Variants in ELFN2 observed in about 807,000 individuals in gnomAD.
ELFN2 encodes the protein extracellular leucine rich repeat and fibronectin type III domain containing 2, also known as protein phosphatase 1 regulatory subunit 29.
In ELFN2, 17 loss-of-function variants were observed where a neutral mutation model predicts 45.5. That is an observed-to-expected ratio of 0.37 (90% CI 0.26 to 0.56). ELFN2 has a LOEUF of 0.56. Among genes scored for constraint, ELFN2 ranks in the 20% least tolerant of loss-of-function variants. ELFN2 has a pLI of 0.77. For missense variants in ELFN2, 922 were observed against 1,183.2 expected, an observed-to-expected ratio of 0.78 and a Z score of 3.24; for synonymous variants, 550 against 551.5, an observed-to-expected ratio of 1.00 and a Z score of 0.04.
intron 1 of ELFN2, among the ~76,000 whole-genome samples, chr22:37,344,426 C>T (rs1016647227): frequency 3.9e-5 from 6 of 151,998 alleles, no homozygotes; most frequent in African/African-American, 1.2e-4. Flanking sequence ...ATCGCCGGCT[C>T]TCAGCGCCAG....
At chr22:37,405,784 T>C (rs1203944154) in intron 2 of ELFN2, among the ~76,000 whole-genome samples, 1 of 148,516 alleles carries the variant, frequency 6.7e-6, no homozygotes, top group African/African-American at 2.5e-5. Flanking sequence ...CTTGGACAAG[T>C]CATCTCACTT....
chr22:37,384,624 C>CCTG, intron 2 of ELFN2, among the ~76,000 whole-genome samples: 1 of 113,754 alleles, frequency 8.8e-6, no homozygotes, highest in Non-Finnish European at 1.8e-5. Flanking sequence ...CCCACCTGAC[C>CCTG]CCTACCTTCT....
chr22:37,400,604 C>G (rs1363902697), intron 2 of ELFN2, among the ~76,000 whole-genome samples: 1 of 152,212 alleles, frequency 6.6e-6, no homozygotes. Context: ...CTCCCCAAGG[C>G]CCCCTCAGCC....
At chr22:37,421,349 T>G (rs1389072138) in intron 1 of ELFN2, among the ~76,000 whole-genome samples, 2 of 152,196 alleles carry the variant, frequency 1.3e-5, no homozygotes, top group African/African-American at 2.4e-5. Context: ...GCCTGGCACA[T>G]AGCAGGTGCA....
At chr22:37,395,974 G>A (rs1252694798) in intron 2 of ELFN2, among the ~76,000 whole-genome samples, 4 of 152,198 alleles carry the variant, frequency 2.6e-5, no homozygotes, top group Admixed American at 6.5e-5. Context: ...ACCCGAAGCT[G>A]GTGGTTAAGT....
At chr22:37,358,537 T>G (rs948279302) in intron 1 of ELFN2, among the ~76,000 whole-genome samples, 4 of 152,242 alleles carry the variant, frequency 2.6e-5, no homozygotes, top group African/African-American at 9.6e-5. Context: ...CCCGATTAGA[T>G]ACAACCGATT....
chr22:37,422,890 C>T (rs1932819310), intron 1 of ELFN2, among the ~76,000 whole-genome samples: 1 of 143,736 alleles, frequency 7.0e-6, no homozygotes, highest in Non-Finnish European at 1.5e-5. Flanking sequence ...CCACCACGCC[C>T]AACCAAGAAT....
At chr22:37,347,623 A>G (rs540206450) in intron 1 of ELFN2, among the ~76,000 whole-genome samples, 1 of 148,260 alleles carries the variant, frequency 6.7e-6, no homozygotes, top group African/African-American at 2.5e-5. Context: ...ACAAGATTGT[A>G]TAGGTGGTGG....
rs527929283 is a variant in ELFN2 at position 37,396,411 on chromosome 22, C to A, written c.-462-20415G>T. On this transcript the variant is annotated intron_variant, in intron 2 of 2. Transcript: ENST00000402918. ...TCAGCAAATGCTGCAGAAGCCAACT[C>A]TGTTAGCGCACTCATTTCCAAACCC... Among the ~76,000 whole-genome samples the A allele has an allele frequency of 2.6e-5, 4 of 152,338 alleles. No individual in the cohort carries two copies. The East Asian group carries it at 7.7e-4, about 29-fold the overall frequency.
intron 2 of ELFN2, among the ~76,000 whole-genome samples, chr22:37,382,022 C>G (rs76638648): frequency 0.057 from 8,361 of 146,150 alleles, 306 homozygotes; most frequent in South Asian, 0.098. Context: ...AGAAGCCCCC[C>G]CTGTGATGGG....
chr22:37,391,080 C>T (rs1336679506), intron 2 of ELFN2, among the ~76,000 whole-genome samples: 1 of 152,228 alleles, frequency 6.6e-6, no homozygotes, highest in Non-Finnish European at 1.5e-5. Context: ...GCTGTGAGCA[C>T]GGCCTCCCGC....
chr22:37,355,917 T>C (rs1011854597), intron 1 of ELFN2, among the ~76,000 whole-genome samples: 1 of 152,226 alleles, frequency 6.6e-6, no homozygotes, highest in African/African-American at 2.4e-5. Flanking sequence ...CGTCTTTTGT[T>C]TCTCCCACTT....
intron 2 of ELFN2, among the ~76,000 whole-genome samples, chr22:37,387,443 T>G (rs1931978326): frequency 6.6e-6 from 1 of 152,128 alleles, no homozygotes. Context: ...GTTTTTCCCC[T>G]TTTCCTCCTT....
intron 1 of ELFN2, among the ~76,000 whole-genome samples, chr22:37,350,912 A>G (rs59977586): frequency 0.08 from 11,964 of 149,594 alleles, 1,570 homozygotes; most frequent in African/African-American, 0.26. Context: ...GACCCATTCC[A>G]TCTCCTTCCC....
chr22:37,419,244 C>T (rs1932790402), intron 1 of ELFN2, among the ~76,000 whole-genome samples: 1 of 151,976 alleles, frequency 6.6e-6, no homozygotes, highest in Non-Finnish European at 1.5e-5. Context: ...CCAGGAAAGG[C>T]TCCCAGGCCT....
At chr22:37,410,279 C>A (rs1431829832) in intron 2 of ELFN2, among the ~76,000 whole-genome samples, 1 of 152,166 alleles carries the variant, frequency 6.6e-6, no homozygotes, top group East Asian at 1.9e-4. Context: ...CTGCTCAGAG[C>A]AGCCACTTTA....
At chr22:37,409,953 T>G (rs979723056) in intron 2 of ELFN2, among the ~76,000 whole-genome samples, 2 of 152,176 alleles carry the variant, frequency 1.3e-5, no homozygotes, top group Admixed American at 1.3e-4. Context: ...GGCCCATTCC[T>G]TTCTGCTGTG....
chr22:37,345,217 A>G (rs1930668274), intron 1 of ELFN2, among the ~76,000 whole-genome samples: 1 of 152,066 alleles, frequency 6.6e-6, no homozygotes, highest in Non-Finnish European at 1.5e-5. Context: ...TTCAACTGTC[A>G]TTGTGCAGTT....
chr22:37,382,772 G>A (rs61574707), intron 2 of ELFN2, among the ~76,000 whole-genome samples: 2 of 152,036 alleles, frequency 1.3e-5, no homozygotes, highest in Admixed American at 1.3e-4. Flanking sequence ...GGCTGGTCTT[G>A]AACTCCTCAG....
Sources: allele counts gnomAD v4.1 joint callset (sites outside exome capture counted in the v4.1 genomes callset), GRCh38; gene constraint gnomAD v4.1.1; transcripts MANE v1.5; gene names NCBI Gene and HGNC (gene_info 2026-07-23, HGNC 2026-07-21).